KLHL4: variants seen among roughly 807,000 people sequenced by gnomAD.
The protein encoded by KLHL4 is kelch like family member 4.
KLHL4 carries 17 observed loss-of-function variants against 45.8 expected under a neutral mutation model. The observed-to-expected ratio is 0.37, with a 90% CI of 0.25 to 0.56. The LOEUF (loss-of-function observed/expected upper bound fraction) is 0.56, where lower values mean the gene tolerates loss of function less well. Among genes scored for constraint, KLHL4 ranks in the 20% least tolerant of loss-of-function variants. The probability of loss-of-function intolerance (pLI) is 0.79; values close to 1 mark genes in which losing one functional copy is unlikely to be tolerated. For synonymous variants in KLHL4, 224 were observed against 189.9 expected, an observed-to-expected ratio of 1.18 and a Z score of -1.47; for missense variants, 544 against 544.9, an observed-to-expected ratio of 1.00 and a Z score of 0.02.
At chrX:87,610,431 C>T (rs1214263181) in intron 1 of KLHL4, among the ~76,000 whole-genome samples, 1 of 111,610 alleles carries the variant, frequency 9.0e-6, no homozygotes, top group African/African-American at 3.3e-5. Flanking sequence ...TAAATATTAA[C>T]CATATTGGGT....
At chrX:87,582,161 A>C (rs1921301784) in intron 1 of KLHL4, among the ~76,000 whole-genome samples, 1 of 111,921 alleles carries the variant, frequency 8.9e-6, no homozygotes, top group Non-Finnish European at 1.9e-5. Context: ...AAAATAGATC[A>C]TCCCCCCTGC....
At chrX:87,601,810 T>C (rs1038812794) in intron 1 of KLHL4, among the ~76,000 whole-genome samples, 1 of 111,239 alleles carries the variant, frequency 9.0e-6, no homozygotes, top group Non-Finnish European at 1.9e-5. Flanking sequence ...ATGCTTTGGA[T>C]TTTATGGGAG....
At position 87,669,904 on chromosome X, in the gene KLHL4, C is replaced by T. The variant is rs913463007; in HGVS notation, c.*3370C>T. On this transcript the variant is annotated 3_prime_UTR_variant, in exon 11 of 11. Coordinates refer to ENST00000373119, the MANE Select transcript of KLHL4 (RefSeq NM_019117.5). ...TTTTAAAACTTCAAATATCTCACCA[C>T]AGTGAATTATGGGTAAGGTGATAAT... 2.6e-5 allele frequency: 3 copies of T among 113,883 alleles called. No individual in the cohort carries two copies. Among genetic ancestry groups the T allele is most frequent in the African/African-American group, 9.8e-5 (3 of 30,682 alleles). The allele number at this position is 113,883 out of a possible 1,213,427, so 9.4% of individuals were successfully genotyped here.
intron 1 of KLHL4, among the ~76,000 whole-genome samples, chrX:87,585,774 C>G (rs1187221316): frequency 9.1e-6 from 1 of 110,440 alleles, no homozygotes; most frequent in Non-Finnish European, 1.9e-5. Flanking sequence ...CCTTACTCAT[C>G]GATAATAACA....
chrX:87,544,534 A>G (rs2157411), intron 1 of KLHL4, among the ~76,000 whole-genome samples: 27,554 of 110,407 alleles, frequency 0.25, 2,948 homozygotes, highest in East Asian at 0.51. Context: ...GGTCTGACCC[A>G]GTACATTTAT....
intron 6 of KLHL4, 138 bp downstream of exon 6, chrX:87,625,934 T>C (rs1449937009): frequency 6.5e-6 from 3 of 462,922 alleles, no homozygotes; most frequent in Non-Finnish European, 1.1e-5. Context: ...TATATGATTT[T>C]TGTGACCTCA....
intron 1 of KLHL4, 121 bp downstream of exon 1, chrX:87,518,436 CAG>C: frequency 6.8e-6 from 4 of 592,551 alleles, no homozygotes; most frequent in Non-Finnish European, 1.0e-5. Context: ...TTCAGCCAAT[CAG>C]AGTCTCTCAG....
rs138072109 is a variant in KLHL4 at position 87,656,465 on chromosome X, T to C, written c.1926-8299T>C. ...CTGAGATTCTTTCTTCTGCTTGGTC[T>C]AGTCTATCGTTGAAGATTTCATCTG... On this transcript the variant is annotated intron_variant, in intron 9 of 10. Coordinates refer to ENST00000373119, the MANE Select transcript of KLHL4 (RefSeq NM_019117.5). Among the ~76,000 whole-genome samples, 940 of 109,024 alleles carry C rather than the reference T, an allele frequency of 8.6e-3. 9 individuals carry two copies. Among genetic ancestry groups the C allele is most frequent in the Middle Eastern group, 0.057 (12 of 212 alleles). The allele number at this position is 109,024 out of a possible 115,157, so 94.7% of individuals were successfully genotyped here.
intron 6 of KLHL4, among the ~76,000 whole-genome samples, chrX:87,627,837 G>T (rs1922978642): frequency 9.0e-6 from 1 of 111,522 alleles, no homozygotes; most frequent in Non-Finnish European, 1.9e-5. Flanking sequence ...TTTGGTTTTT[G>T]TGTTTGTTTT....
At chrX:87,634,322 A>G (rs1424549164) in intron 8 of KLHL4, among the ~76,000 whole-genome samples, 5 of 111,453 alleles carry the variant, frequency 4.5e-5, no homozygotes, top group African/African-American at 1.6e-4. Flanking sequence ...TCTTTCAACA[A>G]TCCCTCTCCT....
At chrX:87,634,056 C>T in intron 8 of KLHL4, 145 bp downstream of exon 8, 1 of 422,988 alleles carries the variant, frequency 2.4e-6, no homozygotes, top group East Asian at 4.0e-5. Flanking sequence ...TGGAACTCTC[C>T]ATTAGGACTG....
chrX:87,561,058 A>AT (rs1932088188), intron 1 of KLHL4, among the ~76,000 whole-genome samples: 1 of 110,526 alleles, frequency 9.0e-6, no homozygotes, highest in Non-Finnish European at 1.9e-5. Flanking sequence ...CTAGAAAAAA[A>AT]CATAGGGAAA....
chrX:87,566,872 A>T (rs1421775022), intron 1 of KLHL4, among the ~76,000 whole-genome samples: 3 of 111,343 alleles, frequency 2.7e-5, no homozygotes, highest in Non-Finnish European at 3.8e-5. Context: ...ATGAGAACAC[A>T]TGGACACATA....
At chrX:87,531,107 T>C (rs1484971198) in intron 1 of KLHL4, among the ~76,000 whole-genome samples, 2 of 111,341 alleles carry the variant, frequency 1.8e-5, no homozygotes, top group African/African-American at 3.3e-5. Flanking sequence ...GCCCACTTTT[T>C]GATGGGGTTG....
intron 9 of KLHL4, among the ~76,000 whole-genome samples, chrX:87,659,631 T>G (rs1362513786): frequency 4.5e-5 from 5 of 111,927 alleles, no homozygotes; most frequent in Non-Finnish European, 3.8e-5. Flanking sequence ...TTCTCTTGGC[T>G]TTAGCATAAA....
At chrX:87,588,318 T>C (rs1602430824) in intron 1 of KLHL4, among the ~76,000 whole-genome samples, 1 of 111,810 alleles carries the variant, frequency 8.9e-6, no homozygotes, top group African/African-American at 3.2e-5. Context: ...GTGGAACCAC[T>C]ACAGACCCTG....
chrX:87,626,003 A>C (rs1922913323), intron 6 of KLHL4, among the ~76,000 whole-genome samples: 1 of 112,203 alleles, frequency 8.9e-6, no homozygotes, highest in African/African-American at 3.2e-5. Flanking sequence ...CTTAATAGGC[A>C]CTTTTACTTT....
intron 9 of KLHL4, among the ~76,000 whole-genome samples, chrX:87,636,688 G>A (rs1923274944): frequency 9.1e-6 from 1 of 110,202 alleles, no homozygotes; most frequent in Non-Finnish European, 1.9e-5. Context: ...AGCTGGGTGA[G>A]GCCTGTGGCT....
chrX:87,594,379 C>G (rs745987676), intron 1 of KLHL4, among the ~76,000 whole-genome samples: 18 of 111,481 alleles, frequency 1.6e-4, no homozygotes, highest in Non-Finnish European at 3.8e-5. Context: ...GTTCTAATTC[C>G]TATACGGTTT....
Sources: gnomAD v4.1 joint callset for allele counts (sites outside exome capture counted in the v4.1 genomes callset) on GRCh38, gnomAD v4.1.1 for gene constraint, MANE v1.5 for transcripts, NCBI Gene and HGNC (gene_info 2026-07-23, HGNC 2026-07-21) for gene names.